The following FHIT variants were observed in gnomAD, a reference collection of about 807,000 sequenced individuals.
FHIT encodes bis(5'-adenosyl)-triphosphatase.
In FHIT, 19 loss-of-function variants were observed where a neutral mutation model predicts 17.9. That is an observed-to-expected ratio of 1.06 (90% CI 0.74 to 1.56). FHIT has a LOEUF of 1.56. Ranked by LOEUF, FHIT falls within the 40% of genes most tolerant of loss-of-function variation. FHIT has a pLI of 0.00. For synonymous variants in FHIT, 81 were observed against 69.7 expected, an observed-to-expected ratio of 1.16 and a Z score of -0.81; for missense variants, 248 against 189.2, an observed-to-expected ratio of 1.31 and a Z score of -1.82.
chr3:60,221,910 T>C, intron 5 of FHIT, among the ~76,000 whole-genome samples: 1 of 152,160 alleles, frequency 6.6e-6, no homozygotes, highest in Non-Finnish European at 1.5e-5. Context: ...AGTTGTTTTT[T>C]CAGCATGATT....
chr3:60,033,095 G>C (rs1241983092), intron 5 of FHIT, among the ~76,000 whole-genome samples: 4 of 152,118 alleles, frequency 2.6e-5, no homozygotes, highest in African/African-American at 7.2e-5. Context: ...CTAATATAAG[G>C]TGTGGATCTT....
intron 5 of FHIT, among the ~76,000 whole-genome samples, chr3:60,109,724 G>A (rs941763126): frequency 6.6e-6 from 1 of 152,128 alleles, no homozygotes; most frequent in Non-Finnish European, 1.5e-5. Flanking sequence ...TGGAACTTGA[G>A]GCCCCTGGAA....
At chr3:60,519,704 T>C (rs902568900) in intron 5 of FHIT, among the ~76,000 whole-genome samples, 8 of 152,238 alleles carry the variant, frequency 5.3e-5, no homozygotes, top group African/African-American at 1.9e-4. Flanking sequence ...TGTCTAAAAC[T>C]GTAGGTACAT....
intron 2 of FHIT, among the ~76,000 whole-genome samples, chr3:61,126,457 C>T (rs984109010): frequency 1.6e-4 from 25 of 152,028 alleles, no homozygotes; most frequent in Non-Finnish European, 4.4e-5. Context: ...GGAAGAGGCA[C>T]ATCTTACATG....
intron 5 of FHIT, among the ~76,000 whole-genome samples, chr3:60,503,316 T>C (rs1008382151): frequency 3.3e-5 from 5 of 152,216 alleles, no homozygotes; most frequent in Non-Finnish European, 5.9e-5. Flanking sequence ...TTTTCCACTT[T>C]GCTTTTGGGT....
chr3:60,625,468 T>A (rs1437529334), intron 4 of FHIT, among the ~76,000 whole-genome samples: 1 of 152,208 alleles, frequency 6.6e-6, no homozygotes. Context: ...TGAGGTGATG[T>A]GGTATCTCAC....
At chr3:59,952,067 A>C (rs1291693090) in intron 7 of FHIT, among the ~76,000 whole-genome samples, 1 of 152,164 alleles carries the variant, frequency 6.6e-6, no homozygotes, top group African/African-American at 2.4e-5. Context: ...AGGGGTACTG[A>C]GAATGGTCCC....
rs376915355 is a variant in FHIT at position 59,885,932 on chromosome 3, A to T, written c.348+36414T>A. Reference sequence around the variant, plus strand: ...TGCTAGTTTTTCTTGAAATGTTCAGAACTCTGGCCCTAAGAGAAGCTAATG... The same window carrying T: ...TGCTAGTTTTTCTTGAAATGTTCAGTACTCTGGCCCTAAGAGAAGCTAATG... On this transcript the variant is annotated intron_variant, in intron 8 of 9. Coordinates refer to ENST00000492590, the MANE Select transcript of FHIT (RefSeq NM_002012.4). Among the ~76,000 whole-genome samples the T allele has an allele frequency of 2.0e-5, 3 of 152,204 alleles. No individual in the cohort carries two copies. The East Asian group carries it at 5.8e-4, about 29-fold the overall frequency.
At chr3:60,686,273 T>C (rs550940917) in intron 4 of FHIT, among the ~76,000 whole-genome samples, 1 of 152,308 alleles carries the variant, frequency 6.6e-6, no homozygotes, top group South Asian at 2.1e-4. Flanking sequence ...AGCAGTTTGA[T>C]TACAATGTGC....
chr3:60,531,621 A>G (rs2035790640), intron 5 of FHIT, among the ~76,000 whole-genome samples: 1 of 152,210 alleles, frequency 6.6e-6, no homozygotes, highest in Non-Finnish European at 1.5e-5. Flanking sequence ...TAATAACTGC[A>G]GTTTCCTGAA....
chr3:61,187,794 A>G (rs2038567917), intron 2 of FHIT, among the ~76,000 whole-genome samples: 1 of 152,330 alleles, frequency 6.6e-6, no homozygotes, highest in Admixed American at 6.5e-5. Flanking sequence ...AAACCGCTCA[A>G]TTACATGGAA....
chr3:60,319,567 A>G (rs1261663430), intron 5 of FHIT, among the ~76,000 whole-genome samples: 3 of 152,194 alleles, frequency 2.0e-5, no homozygotes, highest in Non-Finnish European at 4.4e-5. Context: ...AAAGAAATGT[A>G]TCAGGTTTTC....
At chr3:61,101,496 T>A (rs1481376407) in intron 2 of FHIT, among the ~76,000 whole-genome samples, 1 of 152,210 alleles carries the variant, frequency 6.6e-6, no homozygotes. Flanking sequence ...GGTAGCAGGA[T>A]GCCTCCAGCT....
At position 60,124,013 on chromosome 3, in the gene FHIT, G is replaced by GAA. The variant is rs1705407713; in HGVS notation, c.104-109862_104-109861insTT. Among the ~76,000 whole-genome samples the GAA allele has an allele frequency of 6.8e-5, 3 of 43,814 alleles. 1 individual carries two copies. Among genetic ancestry groups the GAA allele is most frequent in the Non-Finnish European group, 1.3e-4 (3 of 23,034 alleles). The allele number at this position is 43,814 out of a possible 152,430, so 28.7% of individuals were successfully genotyped here. ...ATATATATATATATATATATATAGAGAGAGAGAGAGAGAGAGAGAGAGAGA... is the reference window on the plus strand; with the variant it reads ...ATATATATATATATATATATATAGAGAAAGAGAGAGAGAGAGAGAGAGAGAGA... On this transcript the variant is annotated intron_variant, in intron 5 of 9. Coordinates refer to ENST00000492590, the MANE Select transcript of FHIT (RefSeq NM_002012.4).
intron 5 of FHIT, among the ~76,000 whole-genome samples, chr3:60,432,910 G>T (rs550981410): frequency 2.3e-4 from 15 of 64,562 alleles, no homozygotes; most frequent in Non-Finnish European, 3.2e-4. Context: ...TTTGCTAGAA[G>T]AATTGTCTTT....
At chr3:60,615,011 G>C (rs1387510413) in intron 4 of FHIT, among the ~76,000 whole-genome samples, 1 of 151,786 alleles carries the variant, frequency 6.6e-6, no homozygotes, top group African/African-American at 2.4e-5. Context: ...TGTACTATTA[G>C]TAGAGACAGG....
intron 5 of FHIT, among the ~76,000 whole-genome samples, chr3:60,061,844 T>C (rs1702306524): frequency 6.6e-6 from 1 of 152,178 alleles, no homozygotes; most frequent in Admixed American, 6.5e-5. Context: ...AGGGCATTTA[T>C]GACACGAGAG....
chr3:61,088,928 G>A (rs2035390565), intron 2 of FHIT, among the ~76,000 whole-genome samples: 1 of 151,460 alleles, frequency 6.6e-6, no homozygotes, highest in Admixed American at 6.6e-5. Flanking sequence ...GGAAATGGTT[G>A]AGAGTCATGG....
intron 2 of FHIT, among the ~76,000 whole-genome samples, chr3:61,090,358 T>A (rs1415838921): frequency 6.6e-6 from 1 of 152,226 alleles, no homozygotes; most frequent in African/African-American, 2.4e-5. Context: ...GTTCATTTTA[T>A]CCATATTTCA....
Sources: allele counts gnomAD v4.1 joint callset (sites outside exome capture counted in the v4.1 genomes callset), GRCh38; gene constraint gnomAD v4.1.1; transcripts MANE v1.5; gene names NCBI Gene and HGNC (gene_info 2026-07-23, HGNC 2026-07-21).